GPC5: variants seen among roughly 807,000 people sequenced by gnomAD.
The protein encoded by GPC5 is glypican-5.
GPC5 carries 47 observed loss-of-function variants against 53.9 expected under a neutral mutation model. That is an observed-to-expected ratio of 0.87 (90% CI 0.69 to 1.11). The LOEUF is 1.11. GPC5 is among the 50% of genes most tolerant of loss of function. GPC5 has a pLI of 0.00. For missense variants in GPC5, 748 were observed against 713.1 expected (o/e 1.05, Z -0.56); for synonymous variants, 286 against 263.3 (o/e 1.09, Z -0.84).
rs558899785 is a variant in GPC5, at chr13:92,861,982, G to A, written c.1562-4300G>A. 3.6e-4 allele frequency among the ~76,000 whole-genome samples: 55 copies of A among 152,258 alleles called. No individual in the cohort carries two copies. In the South Asian group the frequency reaches 8.5e-3, roughly 24 times the overall value. On this transcript the variant is annotated intron_variant, in intron 7 of 7. Coordinates refer to ENST00000377067, the MANE Select transcript of GPC5 (RefSeq NM_004466.6). ...TTACTGAAAATGCTCTCATTTGAAA[G>A]TTCCAAGAAATGTGGGTCATAGCTA...
chr13:92,523,075 T>C (rs967749337), intron 7 of GPC5, among the ~76,000 whole-genome samples: 4 of 152,112 alleles, frequency 2.6e-5, no homozygotes, highest in Admixed American at 6.6e-5. Flanking sequence ...AAAAGTGATA[T>C]AGGATGTTAT....
intron 6 of GPC5, among the ~76,000 whole-genome samples, chr13:92,081,318 T>C (rs572906078): frequency 1.6e-4 from 24 of 152,240 alleles, no homozygotes; most frequent in African/African-American, 4.8e-4. Context: ...GCCAGGCTGG[T>C]CTCGAACTCC....
chr13:92,326,777 A>G (rs1252173582), intron 7 of GPC5, among the ~76,000 whole-genome samples: 1 of 152,106 alleles, frequency 6.6e-6, no homozygotes, highest in African/African-American at 2.4e-5. Context: ...AATTCTTTAA[A>G]TCTTCTCTGT....
At chr13:92,223,270 T>C (rs752901515) in intron 7 of GPC5, among the ~76,000 whole-genome samples, 9 of 152,178 alleles carry the variant, frequency 5.9e-5, no homozygotes, top group Non-Finnish European at 8.8e-5. Context: ...ATGGAAATGA[T>C]AATCATGTTA....
chr13:92,254,661 G>A (rs1462673183), intron 7 of GPC5, among the ~76,000 whole-genome samples: 1 of 152,146 alleles, frequency 6.6e-6, no homozygotes, highest in Non-Finnish European at 1.5e-5. Flanking sequence ...GTTCCACACG[G>A]CTGGGGAGGC....
At chr13:92,383,002 CAAAAAAAAAAAA>C (rs57654180) in intron 7 of GPC5, among the ~76,000 whole-genome samples, 2 of 94,796 alleles carry the variant, frequency 2.1e-5, no homozygotes, top group African/African-American at 7.9e-5. Flanking sequence ...GACTCCGTCT[CAAAAAAAAAAAA>C]AAAAAAAAAA....
At chr13:92,027,598 A>T (rs2040810439) in intron 6 of GPC5, among the ~76,000 whole-genome samples, 1 of 152,184 alleles carries the variant, frequency 6.6e-6, no homozygotes, top group African/African-American at 2.4e-5. Context: ...TCTCTGGGGT[A>T]GGGATTATTA....
At chr13:92,221,534 C>T (rs2042448405) in intron 7 of GPC5, among the ~76,000 whole-genome samples, 1 of 152,146 alleles carries the variant, frequency 6.6e-6, no homozygotes, top group South Asian at 2.1e-4. Context: ...CCCTCTCCCA[C>T]ATGGGCCACT....
chr13:92,490,074 T>C (rs1879705180), intron 7 of GPC5: 1 of 154,034 alleles, frequency 6.5e-6, no homozygotes, highest in Non-Finnish European at 1.5e-5. Flanking sequence ...AATTTATCTA[T>C]AATGTGCAGT....
At chr13:92,694,602 A>G (rs1887505952) in intron 7 of GPC5, among the ~76,000 whole-genome samples, 1 of 152,150 alleles carries the variant, frequency 6.6e-6, no homozygotes, top group Non-Finnish European at 1.5e-5. Context: ...TTGCAATGAG[A>G]ATATTTACCC....
chr13:92,183,049 G>A (rs1209787288), intron 7 of GPC5, among the ~76,000 whole-genome samples: 1 of 152,054 alleles, frequency 6.6e-6, no homozygotes, highest in Non-Finnish European at 1.5e-5. Flanking sequence ...TATGTACTTT[G>A]TTTTTATTCC....
At chr13:91,461,670 G>A (rs1248975221) in intron 2 of GPC5, among the ~76,000 whole-genome samples, 1 of 152,004 alleles carries the variant, frequency 6.6e-6, no homozygotes, top group African/African-American at 2.4e-5. Context: ...ATTTATGGAG[G>A]ATATTTTTTC....
At chr13:91,966,216 T>G (rs2040179091) in intron 6 of GPC5, among the ~76,000 whole-genome samples, 2 of 152,178 alleles carry the variant, frequency 1.3e-5, no homozygotes, top group Admixed American at 6.5e-5. Flanking sequence ...ATTCACTAAA[T>G]TATTAATACA....
chr13:92,152,738 C>CAA (rs11285676), intron 7 of GPC5, among the ~76,000 whole-genome samples: 18 of 107,012 alleles, frequency 1.7e-4, no homozygotes, highest in Non-Finnish European at 2.2e-4. Flanking sequence ...GACTCCATCT[C>CAA]AAAAAAAAAA....
chr13:92,863,001 G>A (rs938803587), intron 7 of GPC5, among the ~76,000 whole-genome samples: 3 of 152,062 alleles, frequency 2.0e-5, no homozygotes, highest in Admixed American at 6.6e-5. Context: ...ATTCTGATTC[G>A]TCATCATTAA....
rs142542184 is a variant in GPC5 at position 92,556,531 on chromosome 13, G to A, written c.1562-309751G>A. 8.6e-5 allele frequency among the ~76,000 whole-genome samples: 13 copies of A among 151,912 alleles called. No individual in the cohort carries two copies. In the East Asian group the frequency reaches 2.5e-3, roughly 30 times the overall value. ...TGTATGTAGAGACCCAAGGTACGCA[G>A]TTGCAATCTTCAGTGAACTTACAGA... On this transcript the variant is annotated intron_variant, in intron 7 of 7. Transcript: ENST00000377067.
At chr13:91,511,230 G>C (rs1885214471) in intron 2 of GPC5, among the ~76,000 whole-genome samples, 1 of 151,990 alleles carries the variant, frequency 6.6e-6, no homozygotes, top group Non-Finnish European at 1.5e-5. Flanking sequence ...AATTATTTCA[G>C]TGAGAAGATA....
intron 5 of GPC5, among the ~76,000 whole-genome samples, chr13:91,843,875 G>A (rs1411534364): frequency 6.6e-6 from 1 of 152,180 alleles, no homozygotes; most frequent in African/African-American, 2.4e-5. Flanking sequence ...AAGTAAGAGA[G>A]CATATGAAGG....
rs182293480 is a variant in GPC5 at position 92,173,301 on chromosome 13, C to G, written c.1561+28312C>G. Among the ~76,000 whole-genome samples, 28 of 152,176 alleles carry G rather than the reference C, an allele frequency of 1.8e-4. No individual in the cohort carries two copies. In the East Asian group the frequency reaches 4.7e-3, roughly 25 times the overall value. On this transcript the variant is annotated intron_variant, in intron 7 of 7. Coordinates refer to ENST00000377067, the MANE Select transcript of GPC5 (RefSeq NM_004466.6). ...CCTTTCATTTAGCCTGATGCTTTTC[C>G]GCTTAGGTGTGTCGATTCTGGGTTT...
Sources: allele counts gnomAD v4.1 joint callset (sites outside exome capture counted in the v4.1 genomes callset), GRCh38; gene constraint gnomAD v4.1.1; transcripts MANE v1.5; gene names NCBI Gene and HGNC (gene_info 2026-07-23, HGNC 2026-07-21).